RGS22: variants seen among roughly 807,000 people sequenced by gnomAD.
RGS22 encodes the protein regulator of G protein signaling 22.
RGS22 carries 148 observed loss-of-function variants against 172.9 expected under a neutral mutation model. That is an observed-to-expected ratio of 0.86 (90% CI 0.75 to 0.98). The LOEUF (loss-of-function observed/expected upper bound fraction) is 0.98. RGS22 is among the 50% of genes least tolerant of loss of function. The pLI is 0.00. For synonymous variants in RGS22, 458 were observed against 480.2 expected (o/e 0.95, Z 0.60); for missense variants, 1,347 against 1,440.8 (o/e 0.93, Z 1.05).
At chr8:100,040,197 A>C in intron 12 of RGS22, 110 bp from the exon 13 acceptor site, 2 of 952,902 alleles carry the variant, frequency 2.1e-6, no homozygotes, top group Non-Finnish European at 3.2e-6. Flanking sequence ...TTCCCACTGG[A>C]CTATTTTATT....
At position 99,976,350 on chromosome 8, in the gene RGS22, T is replaced by TTTTG. The variant is rs532250376; in HGVS notation, c.3519+1563_3519+1566dup. 4.2e-3 allele frequency among the ~76,000 whole-genome samples: 642 copies of TTTTG among 152,172 alleles called. 4 individuals carry two copies. Among genetic ancestry groups the TTTTG allele is most frequent in the African/African-American group, 0.014 (576 of 41,508 alleles). On this transcript the variant is annotated intron_variant, in intron 23 of 27. Coordinates refer to ENST00000360863, the MANE Select transcript of RGS22 (RefSeq NM_015668.5). ...GCATCCACATGCATGAAACACTGTC[T>TTTTG]TTTGTTTGTTTGTTTGTTTGTTTGT... is the stretch of plus-strand genomic sequence containing the variant.
chr8:100,088,292 A>G (rs550872902), intron 3 of RGS22, among the ~76,000 whole-genome samples: 1 of 152,318 alleles, frequency 6.6e-6, no homozygotes, highest in South Asian at 2.1e-4. Context: ...CGAGGAGGGT[A>G]TAGAACAGGC....
Position 100,062,147 on chromosome 8 carries a change from GAGGGTGGAAGATAGAA to G in RGS22, c.1514+428_1514+443del, listed in dbSNP as rs1810186887. The stretch of plus-strand genomic sequence containing the variant: ...GAACAACACACACTGGGGCCTATCA[GAGGGTGGAAGATAGAA>G]AGGAAGGAGAGGATCAGGAAAAATA... On this transcript the variant is annotated intron_variant, in intron 9 of 27. Transcript: ENST00000360863. 4.6e-5 allele frequency among the ~76,000 whole-genome samples: 7 copies of G among 152,198 alleles called. No individual in the cohort carries two copies. The South Asian group carries it at 1.5e-3, about 32-fold the overall frequency.
chr8:100,031,543 C>T lies in RGS22; in HGVS notation c.2166+7388G>A, dbSNP rs140957412. Among the ~76,000 whole-genome samples the T allele has an allele frequency of 2.6e-3, 403 of 152,108 alleles. 2 individuals are homozygous for T. The highest frequency in any genetic ancestry group is 9.4e-3 in the African/African-American group (390 of 41,516). On this transcript the variant is annotated intron_variant, in intron 14 of 27. Coordinates refer to ENST00000360863, the MANE Select transcript of RGS22 (RefSeq NM_015668.5). ...TCTCCTAGACTCTAAGTTTTTTCCT[C>T]CTTCCCATTTCTTACTTTTAAAATT...
chr8:100,070,045 A>C (rs1353428023), intron 6 of RGS22, among the ~76,000 whole-genome samples: 2 of 120,788 alleles, frequency 1.7e-5, no homozygotes, highest in Non-Finnish European at 3.5e-5. Flanking sequence ...AAAAAAAAAA[A>C]AAACAAAACA....
chr8:100,008,603 TAA>T, intron 14 of RGS22, 34 bp from the exon 15 acceptor site: 1 of 1,535,250 alleles, frequency 6.5e-7, no homozygotes, highest in South Asian at 1.2e-5. Flanking sequence ...GAGAAGATGT[TAA>T]GAGAAGCCAC....
At chr8:100,099,172 T>C (rs1435960688) in intron 2 of RGS22, among the ~76,000 whole-genome samples, 3 of 152,012 alleles carry the variant, frequency 2.0e-5, no homozygotes, top group Non-Finnish European at 4.4e-5. Flanking sequence ...CCTCGGCCTC[T>C]CAAAGTGCTG....
chr8:100,093,538 A>G (rs757953920), intron 2 of RGS22, 29 bp from the exon 3 acceptor site: 2 of 1,416,264 alleles, frequency 1.4e-6, no homozygotes, highest in Non-Finnish European at 9.8e-7. Context: ...AAAACACAGT[A>G]TTATAATTAT....
intron 2 of RGS22, among the ~76,000 whole-genome samples, chr8:100,104,489 G>T (rs1813766889): frequency 6.6e-6 from 1 of 151,834 alleles, no homozygotes; most frequent in Non-Finnish European, 1.5e-5. Flanking sequence ...AGATGTGTGT[G>T]TGTCTGTCTC....
At position 100,060,402 on chromosome 8, in the gene RGS22, G is replaced by GTATATATATATATATA. The variant is rs72050805; in HGVS notation, c.1514+2173_1514+2188dup. On this transcript the variant is annotated intron_variant, in intron 9 of 27. Coordinates refer to ENST00000360863, the MANE Select transcript of RGS22 (RefSeq NM_015668.5). ...GATAAATCTGCAACTTTAGCTACGT[G>GTATATATATATATATA]TATATATATATATATATATACACAC... Among the ~76,000 whole-genome samples the GTATATATATATATATA allele has an allele frequency of 2.7e-3, 273 of 102,930 alleles. 24 individuals are homozygous for GTATATATATATATATA. Among genetic ancestry groups the GTATATATATATATATA allele is most frequent in the African/African-American group, 2.9e-3 (93 of 32,454 alleles). The allele number at this position is 102,930 out of a possible 152,430, so 67.5% of individuals were successfully genotyped here.
intron 23 of RGS22, among the ~76,000 whole-genome samples, chr8:99,967,657 A>C (rs960584520): frequency 3.0e-4 from 45 of 152,338 alleles, no homozygotes; most frequent in African/African-American, 1.0e-3. Flanking sequence ...GCAGCAAAGC[A>C]GCTGTGGCCA....
At chr8:100,077,997 C>T (rs188564593) in intron 4 of RGS22, among the ~76,000 whole-genome samples, 2 of 152,188 alleles carry the variant, frequency 1.3e-5, no homozygotes, top group East Asian at 3.9e-4. Context: ...AGTAAGATTC[C>T]TTGTTCTGAG....
At chr8:100,016,187 T>A (rs10091391) in intron 14 of RGS22, among the ~76,000 whole-genome samples, 88,762 of 151,966 alleles carry the variant, frequency 0.58, 26,066 homozygotes, top group Admixed American at 0.63. Flanking sequence ...TAATTCTCAG[T>A]CATATTAATT....
At chr8:100,040,511 C>T (rs1416114958) in intron 12 of RGS22, among the ~76,000 whole-genome samples, 2 of 152,110 alleles carry the variant, frequency 1.3e-5, no homozygotes, top group African/African-American at 2.4e-5. Flanking sequence ...CAAGGCCTCT[C>T]GGTGCTGCTC....
chr8:100,047,665 A>G, intron 10 of RGS22, 69 bp from the exon 11 acceptor site: 1 of 1,371,548 alleles, frequency 7.3e-7, no homozygotes, highest in Non-Finnish European at 9.6e-7. Context: ...CCTATACCTC[A>G]AATTTGTTCT....
At chr8:99,981,113 T>C (rs1222102791) in intron 22 of RGS22, among the ~76,000 whole-genome samples, 1 of 152,186 alleles carries the variant, frequency 6.6e-6, no homozygotes, top group African/African-American at 2.4e-5. Flanking sequence ...GACATGGCCT[T>C]CCCTATTACC....
intron 22 of RGS22, among the ~76,000 whole-genome samples, chr8:99,981,407 T>A (rs1346334480): frequency 1.3e-5 from 2 of 152,142 alleles, no homozygotes; most frequent in African/African-American, 4.8e-5. Flanking sequence ...CACATTTTTG[T>A]GGTAGCAGAT....
intron 20 of RGS22, among the ~76,000 whole-genome samples, chr8:99,988,872 C>T (rs1161244603): frequency 6.6e-6 from 1 of 152,104 alleles, no homozygotes; most frequent in African/African-American, 2.4e-5. Flanking sequence ...AGACCCCCAC[C>T]ATATGGTCCA....
intron 14 of RGS22, among the ~76,000 whole-genome samples, chr8:100,023,714 G>A (rs1207277018): frequency 1.3e-5 from 2 of 152,150 alleles, no homozygotes; most frequent in South Asian, 2.1e-4. Flanking sequence ...GATTATAGGT[G>A]CGAGCCACTG....
Sources: gnomAD v4.1 joint callset for allele counts (sites outside exome capture counted in the v4.1 genomes callset) on GRCh38, gnomAD v4.1.1 for gene constraint, MANE v1.5 for transcripts, NCBI Gene and HGNC (gene_info 2026-07-23, HGNC 2026-07-21) for gene names.